The following COL6A6 variants were observed in gnomAD, a reference collection of about 807,000 sequenced individuals.
The protein encoded by COL6A6 is collagen alpha-6(VI) chain.
A neutral mutation model predicts 208.6 loss-of-function variants in COL6A6; 183 were observed. The ratio of observed to expected loss-of-function variants is 0.88; its 90% CI spans 0.78 to 0.99. The LOEUF is 0.99. COL6A6 is among the 50% of genes least tolerant of loss of function. COL6A6 has a pLI of 0.00. For missense variants in COL6A6, 2,816 were observed against 2,815.2 expected (o/e 1.00, Z -0.01); for synonymous variants, 973 against 1,011.8 (o/e 0.96, Z 0.73).
At chr3:130,640,651 GAAGA>G (rs749829468) in intron 28 of COL6A6, among the ~76,000 whole-genome samples, 1 of 152,110 alleles carries the variant, frequency 6.6e-6, no homozygotes, top group Admixed American at 6.5e-5. Context: ...CATTTTGAAT[GAAGA>G]AAGAAATATT....
chr3:130,580,190 A>C (rs1485572232), intron 8 of COL6A6, among the ~76,000 whole-genome samples: 1 of 152,182 alleles, frequency 6.6e-6, no homozygotes, highest in Non-Finnish European at 1.5e-5. Context: ...CAAAAATGAA[A>C]CTTTCAAGCT....
intron 2 of COL6A6, among the ~76,000 whole-genome samples, chr3:130,560,798 T>C (rs1448342477): frequency 6.6e-6 from 1 of 152,242 alleles, no homozygotes; most frequent in African/African-American, 2.4e-5. Context: ...TGTCCAGATT[T>C]GCTCCAGATT....
chr3:130,607,501 A>C (rs115781100), intron 21 of COL6A6, among the ~76,000 whole-genome samples: 51 of 152,340 alleles, frequency 3.3e-4, no homozygotes, highest in African/African-American at 1.1e-3. Context: ...TAAAACACAC[A>C]TCCTCAGATT....
Position 130,567,127 on chromosome 3 carries a change from A to T in COL6A6, c.1708A>T (p.Ile570Phe). ...AGAAGAGCACATCCGAGTTTATGCT[A>T]TCGGGATCAAGGAGGCCAACCAAAC... ...LREEHIRVYA[I>F]GIKEANQTQL... The change falls in exon 5 of 37, where the codon ATC (isoleucine) becomes TTC (phenylalanine). Residue 570 changes from isoleucine to phenylalanine, a missense_variant. Ile to Phe is a conservative substitution (Grantham distance 21). Transcript: ENST00000358511. 1 of 1,614,022 alleles carries T rather than the reference A, an allele frequency of 6.2e-7. No homozygotes were observed. Among genetic ancestry groups the T allele is most frequent in the Middle Eastern group, 1.6e-4 (1 of 6,062 alleles).
At chr3:130,663,632 T>TC in intron 35 of COL6A6, among the ~76,000 whole-genome samples, 1 of 152,322 alleles carries the variant, frequency 6.6e-6, no homozygotes, top group Non-Finnish European at 1.5e-5. Context: ...AGAAGTCTTA[T>TC]GATGGAATTT....
At chr3:130,626,608 T>C (rs1485460617) in intron 25 of COL6A6, 61 bp downstream of exon 25, 1 of 1,152,782 alleles carries the variant, frequency 8.7e-7, no homozygotes, top group African/African-American at 1.5e-5. Flanking sequence ...AGTAGACATC[T>C]GGTGTGGTTC....
chr3:130,595,477 A>G lies in COL6A6; in HGVS notation c.4533+1134A>G, dbSNP rs139391939. ...CCCCCTCATGCCCACTGCAGCCACT[A>G]CTCACCTTCCCCCAAGGTAATCACT... On this transcript the variant is annotated intron_variant, in intron 18 of 36. Coordinates refer to ENST00000358511, the MANE Select transcript of COL6A6 (RefSeq NM_001102608.3). Among the ~76,000 whole-genome samples the G allele has an allele frequency of 2.7e-3, 413 of 152,084 alleles. 3 individuals are homozygous for G. The highest frequency in any genetic ancestry group is 9.4e-3 in the African/African-American group (390 of 41,476).
chr3:130,561,972 A>G (rs115918074), intron 2 of COL6A6, among the ~76,000 whole-genome samples: 174 of 152,330 alleles, frequency 1.1e-3, no homozygotes, highest in African/African-American at 3.9e-3. Context: ...ATTTTAAAGA[A>G]GAAAAAACTA....
At chr3:130,580,986 A>G (rs1222981650) in intron 8 of COL6A6, among the ~76,000 whole-genome samples, 1 of 150,260 alleles carries the variant, frequency 6.7e-6, no homozygotes, top group Non-Finnish European at 1.5e-5. Flanking sequence ...ATCTCAAAGG[A>G]TCTCCTGAAT....
Position 130,599,804 on chromosome 3 carries a change from A to AAAGACAGT in COL6A6, c.4652_4653+6dup. ...CCCCCGGGACACCAGGCTCCAGAAGAAAGACAGTAAGAGCCCTTCTAGACA... is the reference window on the plus strand; with the variant it reads ...CCCCCGGGACACCAGGCTCCAGAAGAAAGACAGTAAGACAGTAAGAGCCCTTCTAGACA... On this transcript the variant is annotated frameshift_variant, in exon 20 of 37. Transcript: ENST00000358511. LOFTEE classifies it high-confidence loss of function. 4 of 1,613,702 alleles carry AAAGACAGT rather than the reference A, an allele frequency of 2.5e-6. No homozygotes were observed. The highest frequency in any genetic ancestry group is 2.5e-6 in the Non-Finnish European group (3 of 1,179,756).
At chr3:130,539,559 G>A (rs967759096) in intron 1 of COL6A6, among the ~76,000 whole-genome samples, 6 of 152,012 alleles carry the variant, frequency 3.9e-5, no homozygotes, top group African/African-American at 1.4e-4. Flanking sequence ...GCGTGAACCC[G>A]GGAGGCGGAG....
chr3:130,598,373 TG>T lies in COL6A6; in HGVS notation c.4544del (p.Gly1515GlufsTer6). The T allele has an allele frequency of 6.5e-7, 1 of 1,544,262 alleles. No individual in the cohort carries two copies. ...TTATTTTCTATTTTTAGGGAGCTCC[TG>T]GAGTTGACAGTAGCATAGAAGGACC... The part of the protein sequence containing the change: ...KGLRGDPGAP[G>X]VDSSIEGPTG... On this transcript the variant is annotated frameshift_variant, in exon 19 of 37. Transcript: ENST00000358511. LOFTEE classifies it high-confidence loss of function.
intron 1 of COL6A6, among the ~76,000 whole-genome samples, chr3:130,519,855 T>A (rs796118804): frequency 1.2e-4 from 19 of 152,354 alleles, no homozygotes; most frequent in African/African-American, 4.6e-4. Context: ...ATAATTTAGT[T>A]ACTATTGAGC....
At chr3:130,612,444 A>G (rs1239346081) in intron 23 of COL6A6, among the ~76,000 whole-genome samples, 8 of 152,098 alleles carry the variant, frequency 5.3e-5, no homozygotes, top group African/African-American at 7.2e-5. Flanking sequence ...AGCATCTGTT[A>G]TTTTTTGACT....
chr3:130,554,550 T>C (rs1329528769), intron 1 of COL6A6, among the ~76,000 whole-genome samples: 1 of 152,120 alleles, frequency 6.6e-6, no homozygotes, highest in East Asian at 1.9e-4. Flanking sequence ...TCCCTGTGTG[T>C]GTTCATGCAG....
intron 1 of COL6A6, among the ~76,000 whole-genome samples, chr3:130,544,899 G>A (rs1372350340): frequency 2.0e-5 from 3 of 151,724 alleles, no homozygotes; most frequent in Non-Finnish European, 4.4e-5. Flanking sequence ...AATTGTATGA[G>A]GTTTTTTAAA....
Position 130,565,481 on chromosome 3 carries a change from T to C in COL6A6, c.1149T>C (p.Ala383=). The change falls in exon 4 of 37, where the codon GCT becomes GCC. Residue 383 remains alanine (A), a synonymous_variant. Coordinates refer to ENST00000358511, the MANE Select transcript of COL6A6 (RefSeq NM_001102608.3). ...TGGAAAAGATAGCATCCCACCCTGCTGAGCAGTATGTCTCCAAACTGAAGA... is the reference window on the plus strand; with the variant it reads ...TGGAAAAGATAGCATCCCACCCTGCCGAGCAGTATGTCTCCAAACTGAAGA... The part of the protein sequence containing the change: ...TQLEKIASHP[A]EQYVSKLKTF... 2 of 1,614,046 alleles carry C rather than the reference T, an allele frequency of 1.2e-6. No individual in the cohort carries two copies. The highest frequency in any genetic ancestry group is 1.7e-6 in the Non-Finnish European group (2 of 1,179,892).
chr3:130,524,054 G>T (rs1479368018), intron 1 of COL6A6, among the ~76,000 whole-genome samples: 3 of 152,130 alleles, frequency 2.0e-5, no homozygotes, highest in Non-Finnish European at 4.4e-5. Flanking sequence ...GCACCATTAA[G>T]CACCTAATCT....
At chr3:130,673,197 A>C (rs2066267696) in intron 36 of COL6A6, among the ~76,000 whole-genome samples, 1 of 119,586 alleles carries the variant, frequency 8.4e-6, no homozygotes, top group Non-Finnish European at 1.6e-5. Flanking sequence ...AAAACAAAAA[A>C]ACAAAAAAAA....
Sources: gnomAD v4.1 joint callset for allele counts (sites outside exome capture counted in the v4.1 genomes callset) on GRCh38, gnomAD v4.1.1 for gene constraint, MANE v1.5 for transcripts, NCBI Gene and HGNC (gene_info 2026-07-23, HGNC 2026-07-21) for gene names.